The following SPOCK1 variants were observed in gnomAD, a reference collection of about 807,000 sequenced individuals.
The protein encoded by SPOCK1 is testican-1.
SPOCK1 carries 23 observed loss-of-function variants against 55.3 expected under a neutral mutation model. The observed-to-expected ratio is 0.42, with a 90% CI of 0.30 to 0.59. The LOEUF is 0.59. SPOCK1 is among the 20% of genes least tolerant of loss of function. The probability of loss-of-function intolerance (pLI) is 0.22; values close to 1 mark genes in which losing one functional copy is unlikely to be tolerated. For missense variants in SPOCK1, 499 were observed against 552.5 expected (o/e 0.90, Z 0.97); for synonymous variants, 226 against 221.0 (o/e 1.02, Z -0.20).
chr5:136,986,839 G>A (rs1308455054), intron 8 of SPOCK1, among the ~76,000 whole-genome samples: 3 of 152,060 alleles, frequency 2.0e-5, no homozygotes, highest in Non-Finnish European at 4.4e-5. Context: ...TACAGCTATT[G>A]ATTTTTATTT....
At chr5:137,455,053 A>G (rs1753333925) in intron 2 of SPOCK1, among the ~76,000 whole-genome samples, 1 of 152,224 alleles carries the variant, frequency 6.6e-6, no homozygotes. Context: ...CTCCAGATAC[A>G]TGTTCAATTC....
intron 5 of SPOCK1, among the ~76,000 whole-genome samples, chr5:137,100,437 C>A (rs996297502): frequency 7.2e-5 from 11 of 152,202 alleles, no homozygotes; most frequent in African/African-American, 2.4e-4. Context: ...TGGTAGAAGA[C>A]AACGTGCATG....
At chr5:137,363,518 A>G (rs1202628091) in intron 2 of SPOCK1, among the ~76,000 whole-genome samples, 2 of 152,206 alleles carry the variant, frequency 1.3e-5, no homozygotes, top group Admixed American at 1.3e-4. Context: ...GACTGGAATC[A>G]CAGCTCTGCA....
At chr5:137,411,586 T>C (rs1331200884) in intron 2 of SPOCK1, among the ~76,000 whole-genome samples, 1 of 152,340 alleles carries the variant, frequency 6.6e-6, no homozygotes, top group Non-Finnish European at 1.5e-5. Context: ...CACCTTGGAC[T>C]GGAAGCAAAG....
chr5:137,116,980 A>G (rs779679688), intron 4 of SPOCK1, among the ~76,000 whole-genome samples: 1 of 151,388 alleles, frequency 6.6e-6, no homozygotes, highest in Non-Finnish European at 1.5e-5. Flanking sequence ...CTGCACTCCC[A>G]CTCCACCATA....
Position 137,128,537 on chromosome 5 carries a change from A to G in SPOCK1, c.347+12043T>C, listed in dbSNP as rs1436322969. On this transcript the variant is annotated intron_variant, in intron 4 of 10. Transcript: ENST00000394945. ...CTGCTTTCCTTATAAAAATACCATA[A>G]TGTGGGGTTTAAAGTAATCATTTTA... 1.3e-5 allele frequency among the ~76,000 whole-genome samples: 2 copies of G among 152,192 alleles called. 1 individual carries two copies. The highest frequency in any genetic ancestry group is 6.3e-3 in the Middle Eastern group (2 of 316).
chr5:137,165,723 T>C (rs1754636470), intron 3 of SPOCK1, among the ~76,000 whole-genome samples: 1 of 152,114 alleles, frequency 6.6e-6, no homozygotes. Context: ...ATTGAAATAA[T>C]TTAAAAGAAT....
At chr5:137,427,349 T>G (rs1752653262) in intron 2 of SPOCK1, among the ~76,000 whole-genome samples, 1 of 152,216 alleles carries the variant, frequency 6.6e-6, no homozygotes, top group African/African-American at 2.4e-5. Flanking sequence ...CAGTGTGGGC[T>G]GTGCTCATGT....
intron 6 of SPOCK1, among the ~76,000 whole-genome samples, chr5:137,067,300 G>A (rs1752527588): frequency 6.6e-6 from 1 of 152,148 alleles, no homozygotes; most frequent in Admixed American, 6.5e-5. Flanking sequence ...AAATACTTTA[G>A]GGGAGAACTC....
chr5:137,175,279 C>G (rs1304261517), intron 3 of SPOCK1, among the ~76,000 whole-genome samples: 1 of 152,016 alleles, frequency 6.6e-6, no homozygotes, highest in Non-Finnish European at 1.5e-5. Flanking sequence ...GATCAAAGGA[C>G]CAGAGGCCAC....
intron 6 of SPOCK1, among the ~76,000 whole-genome samples, chr5:137,062,714 G>C (rs576204876): frequency 7.5e-5 from 10 of 133,614 alleles, no homozygotes; most frequent in African/African-American, 2.7e-4. Context: ...AGAGAAACTG[G>C]GAGAGACCTT....
intron 3 of SPOCK1, among the ~76,000 whole-genome samples, chr5:137,244,509 A>G (rs1756357581): frequency 6.6e-6 from 1 of 152,256 alleles, no homozygotes; most frequent in Non-Finnish European, 1.5e-5. Flanking sequence ...CCAAAAAGCC[A>G]TAATACCAAA....
intron 3 of SPOCK1, among the ~76,000 whole-genome samples, chr5:137,167,384 C>A (rs1042432131): frequency 6.6e-6 from 1 of 151,764 alleles, no homozygotes; most frequent in African/African-American, 2.4e-5. Flanking sequence ...TTCAACACCC[C>A]AGTTTCAGCA....
chr5:137,079,534 C>A (rs867066902), intron 5 of SPOCK1, among the ~76,000 whole-genome samples: 72 of 24,670 alleles, frequency 2.9e-3, no homozygotes, highest in African/African-American at 7.8e-3. Flanking sequence ...CCATCTGATT[C>A]CCCCCCCCCC....
At chr5:137,261,947 A>C (rs1756749445) in intron 3 of SPOCK1, among the ~76,000 whole-genome samples, 1 of 152,214 alleles carries the variant, frequency 6.6e-6, no homozygotes, top group Non-Finnish European at 1.5e-5. Context: ...AACTTCATGT[A>C]ATCAGAATTT....
chr5:137,004,592 C>A (rs1246512997), intron 6 of SPOCK1, among the ~76,000 whole-genome samples: 1 of 152,088 alleles, frequency 6.6e-6, no homozygotes, highest in Admixed American at 6.6e-5. Flanking sequence ...TATATTTGAT[C>A]TACATTTCCT....
chr5:137,282,847 C>G (rs888203591), intron 2 of SPOCK1, among the ~76,000 whole-genome samples: 3 of 152,218 alleles, frequency 2.0e-5, no homozygotes, highest in African/African-American at 7.2e-5. Context: ...TAGACTCTAG[C>G]TCCTCTCTGA....
chr5:137,200,599 G>T (rs1755406419), intron 3 of SPOCK1, among the ~76,000 whole-genome samples: 1 of 152,096 alleles, frequency 6.6e-6, no homozygotes, highest in Non-Finnish European at 1.5e-5. Flanking sequence ...CAGTGAATGG[G>T]AGTAAATGGA....
At chr5:137,417,753 T>C (rs6596376) in intron 2 of SPOCK1, among the ~76,000 whole-genome samples, 152,173 of 152,346 alleles carry the variant, frequency 1, 76,000 homozygotes, top group Middle Eastern at 1. Flanking sequence ...GTATTTCAGT[T>C]TTTTTGGAAA....
Sources: allele counts gnomAD v4.1 joint callset (sites outside exome capture counted in the v4.1 genomes callset), GRCh38; gene constraint gnomAD v4.1.1; transcripts MANE v1.5; gene names NCBI Gene and HGNC (gene_info 2026-07-23, HGNC 2026-07-21).